Variants in EFCAB5 observed in about 807,000 individuals in gnomAD.
EFCAB5 encodes EF-hand calcium-binding domain-containing protein 5.
A neutral mutation model predicts 167.9 loss-of-function variants in EFCAB5; 131 were observed. The ratio of observed to expected loss-of-function variants is 0.78; its 90% confidence interval spans 0.68 to 0.90. EFCAB5 has a LOEUF of 0.90. Ranked by LOEUF, EFCAB5 falls within the 40% of genes least tolerant of loss-of-function variation. EFCAB5 has a pLI of 0.00. For synonymous variants in EFCAB5, 574 were observed against 602.8 expected (o/e 0.95, Z 0.70); for missense variants, 1,663 against 1,745.2 (o/e 0.95, Z 0.84).
chr17:30,075,139 A>G (rs2070842720), intron 14 of EFCAB5, among the ~76,000 whole-genome samples: 1 of 151,996 alleles, frequency 6.6e-6, no homozygotes, highest in South Asian at 2.1e-4. Flanking sequence ...TAACCTAAAT[A>G]TATTTATTTA....
intron 3 of EFCAB5, among the ~76,000 whole-genome samples, chr17:29,960,630 T>C (rs1212745107): frequency 1.3e-5 from 2 of 152,160 alleles, no homozygotes; most frequent in South Asian, 2.1e-4. Context: ...GGGTGAATGA[T>C]ATTTCATTGT....
chr17:30,080,348 C>A, intron 16 of EFCAB5, 107 bp downstream of exon 16: 2 of 1,231,018 alleles, frequency 1.6e-6, no homozygotes, highest in East Asian at 2.5e-5. Flanking sequence ...AGAGGTGCCT[C>A]AAGTCACCAG....
At chr17:30,090,872 T>C (rs541297531) in intron 20 of EFCAB5, among the ~76,000 whole-genome samples, 198 bp downstream of exon 20, 10 of 152,190 alleles carry the variant, frequency 6.6e-5, no homozygotes, top group Non-Finnish European at 1.3e-4. Flanking sequence ...TGGAATCACA[T>C]TCTCATGGTT....
intron 4 of EFCAB5, among the ~76,000 whole-genome samples, chr17:29,980,367 T>C (rs753191023): frequency 1.1e-4 from 17 of 152,230 alleles, no homozygotes; most frequent in Non-Finnish European, 8.8e-5. Flanking sequence ...CAAAAGCAGT[T>C]GTCCGTATAC....
chr17:29,953,645 T>G (rs912676333), intron 3 of EFCAB5, among the ~76,000 whole-genome samples: 1 of 152,212 alleles, frequency 6.6e-6, no homozygotes, highest in African/African-American at 2.4e-5. Context: ...TTACCCAGTC[T>G]CAGGTATGTC....
chr17:29,976,672 G>T (rs1761971435), intron 4 of EFCAB5, among the ~76,000 whole-genome samples: 1 of 152,012 alleles, frequency 6.6e-6, no homozygotes, highest in South Asian at 2.1e-4. Flanking sequence ...TTCACTTTAG[G>T]AATGAAATTT....
chr17:30,012,616 C>A (rs953554606), intron 7 of EFCAB5, among the ~76,000 whole-genome samples: 1 of 152,130 alleles, frequency 6.6e-6, no homozygotes, highest in Non-Finnish European at 1.5e-5. Context: ...AATATCAGTG[C>A]AGCCTGGTAT....
intron 3 of EFCAB5, among the ~76,000 whole-genome samples, chr17:29,966,012 T>C (rs1267788923): frequency 6.6e-6 from 1 of 152,198 alleles, no homozygotes; most frequent in Non-Finnish European, 1.5e-5. Context: ...TTTTGTATTT[T>C]AATCTCGTAT....
At chr17:29,998,110 C>T (rs1001850031) in intron 6 of EFCAB5, among the ~76,000 whole-genome samples, 1 of 152,060 alleles carries the variant, frequency 6.6e-6, no homozygotes, top group Non-Finnish European at 1.5e-5. Flanking sequence ...ATATGCTTCC[C>T]GTCTTCCTGA....
At position 30,088,679 on chromosome 17, in the gene EFCAB5, A is replaced by G. The variant is rs541066690; in HGVS notation, c.3683+1513A>G. ...TGTGTACAAATGTAAACAGATCTTA[A>G]CTGAGAACACACCTATTGCAAAAGG... On this transcript the variant is annotated intron_variant, in intron 19 of 22. Transcript: ENST00000394835. 3.9e-5 allele frequency among the ~76,000 whole-genome samples: 6 copies of G among 152,340 alleles called. No individual in the cohort carries two copies. In the South Asian group the frequency reaches 1.2e-3, roughly 32 times the overall value.
At chr17:29,989,043 A>G (rs568185641) in intron 4 of EFCAB5, among the ~76,000 whole-genome samples, 1 of 152,326 alleles carries the variant, frequency 6.6e-6, no homozygotes, top group East Asian at 1.9e-4. Flanking sequence ...TAGAAAATAG[A>G]TTACGTATGG....
intron 1 of EFCAB5, among the ~76,000 whole-genome samples, chr17:29,933,209 T>C (rs929842792): frequency 1.3e-5 from 2 of 152,144 alleles, no homozygotes; most frequent in African/African-American, 4.8e-5. Flanking sequence ...AGGAGGTATG[T>C]AGAAATATAG....
intron 4 of EFCAB5, among the ~76,000 whole-genome samples, chr17:29,978,067 T>C (rs553273002): frequency 3.9e-5 from 6 of 152,318 alleles, no homozygotes; most frequent in African/African-American, 9.6e-5. Context: ...TCATCCTTGA[T>C]ATGGGTCTTC....
At chr17:29,944,622 G>GTTTTTTT (rs1442294530) in intron 3 of EFCAB5, among the ~76,000 whole-genome samples, 4 of 134,142 alleles carry the variant, frequency 3.0e-5, no homozygotes, top group South Asian at 2.4e-4. Context: ...TTTCTGTTTT[G>GTTTTTTT]TTTTGTTTTT....
chr17:30,034,107 A>C, intron 7 of EFCAB5, 123 bp from the exon 8 acceptor site: 2 of 1,210,822 alleles, frequency 1.7e-6, no homozygotes, highest in Middle Eastern at 2.2e-4. Flanking sequence ...CTAAGTGATA[A>C]GCAAATCATA....
intron 3 of EFCAB5, among the ~76,000 whole-genome samples, chr17:29,951,394 G>A (rs1185841962): frequency 6.6e-6 from 1 of 152,156 alleles, no homozygotes; most frequent in East Asian, 1.9e-4. Context: ...CTGGAGTGCA[G>A]TGGGGCGATC....
intron 14 of EFCAB5, chr17:30,069,564 G>A: frequency 6.2e-7 from 1 of 1,613,240 alleles, no homozygotes; most frequent in South Asian, 1.1e-5. Context: ...GCTGGCTTCC[G>A]CGTATGGATC....
At chr17:30,000,312 A>G (rs566281495) in intron 7 of EFCAB5, among the ~76,000 whole-genome samples, 4 of 152,324 alleles carry the variant, frequency 2.6e-5, no homozygotes, top group East Asian at 1.9e-4. Flanking sequence ...CAGGTATCAT[A>G]CATGAACTTG....
intron 8 of EFCAB5, among the ~76,000 whole-genome samples, chr17:30,040,028 A>G (rs1597712060): frequency 6.6e-6 from 1 of 152,308 alleles, no homozygotes; most frequent in East Asian, 1.9e-4. Context: ...TAAATATTCC[A>G]TTTGCACTTT....
Sources: allele counts gnomAD v4.1 joint callset (sites outside exome capture counted in the v4.1 genomes callset), GRCh38; gene constraint gnomAD v4.1.1; transcripts MANE v1.5; gene names NCBI Gene and HGNC (gene_info 2026-07-23, HGNC 2026-07-21).